The following RB1CC1 variants were observed in gnomAD, a reference collection of about 807,000 sequenced individuals.
RB1CC1 encodes RB1 inducible coiled-coil 1.
In RB1CC1, 46 loss-of-function variants were observed where a neutral mutation model predicts 177.5. The observed-to-expected ratio is 0.26, with a 90% CI of 0.20 to 0.33. RB1CC1 has a LOEUF of 0.33. RB1CC1 is among the 10% of genes least tolerant of loss of function. The pLI is 1.00. For synonymous variants in RB1CC1, 666 were observed against 613.6 expected, an observed-to-expected ratio of 1.09 and a Z score of -1.26; for missense variants, 1,703 against 1,816.3, an observed-to-expected ratio of 0.94 and a Z score of 1.13.
intron 5 of RB1CC1, 41 bp from the exon 6 acceptor site, chr8:52,676,612 A>G: frequency 6.4e-7 from 1 of 1,553,896 alleles, no homozygotes; most frequent in South Asian, 1.2e-5. Flanking sequence ...AAAGAAGGCA[A>G]TGGTTTGTTT....
chr8:52,648,498 G>A (rs1350367223), intron 15 of RB1CC1, among the ~76,000 whole-genome samples: 1 of 152,134 alleles, frequency 6.6e-6, no homozygotes, highest in South Asian at 2.1e-4. Flanking sequence ...CTTTCTATGG[G>A]GAGCAAGAAG....
At position 52,681,936 on chromosome 8, in the gene RB1CC1, C is replaced by T. The variant is rs374504381; in HGVS notation, c.369+1613G>A. On this transcript the variant is annotated intron_variant, in intron 5 of 23. Transcript: ENST00000025008. The stretch of plus-strand genomic sequence containing the variant: ...GCAGTGTAGAAGGAAAATGTGGGGT[C>T]GGAGCCCCCACACAGAGTCCCTACT... Among the ~76,000 whole-genome samples the T allele has an allele frequency of 1.5e-3, 229 of 152,228 alleles. 7 individuals carry two copies. In the South Asian group the frequency reaches 0.044, roughly 29 times the overall value.
chr8:52,671,043 TTC>T (rs1852536089), intron 7 of RB1CC1, among the ~76,000 whole-genome samples: 1 of 152,190 alleles, frequency 6.6e-6, no homozygotes, highest in Non-Finnish European at 1.5e-5. Flanking sequence ...TCTAAATTTT[TTC>T]TGACAGATAA....
chr8:52,656,558 A>T lies in RB1CC1; in HGVS notation c.3271T>A (p.Ser1091Thr), dbSNP rs925268709. Reference protein sequence around the residue: ...SRAQQKETLKSLLEQETENLR... With the variant: ...SRAQQKETLKTLLEQETENLR... The stretch of plus-strand genomic sequence containing the variant: ...TTTTCTGTCTCTTGTTCAAGAAGAG[A>T]TTTCAAGGTCTCCTTCTGCTGGGCT... Residue 1091 changes from serine (S) to threonine (T), a missense_variant, in exon 15 of 24, where the codon TCT becomes ACT. Coordinates refer to ENST00000025008, the MANE Select transcript of RB1CC1 (RefSeq NM_014781.5). 6.2e-7 allele frequency: 1 copy of T among 1,610,992 alleles called. No homozygotes were observed. The highest frequency in any genetic ancestry group is 1.3e-5 in the African/African-American group (1 of 74,624).
chr8:52,682,316 G>T (rs1480059786), intron 5 of RB1CC1, among the ~76,000 whole-genome samples: 1 of 152,188 alleles, frequency 6.6e-6, no homozygotes, highest in East Asian at 1.9e-4. Flanking sequence ...TAATTCCGAG[G>T]CCTCTTCAGC....
intron 8 of RB1CC1, among the ~76,000 whole-genome samples, chr8:52,663,685 A>T (rs1486523674): frequency 6.6e-6 from 1 of 152,196 alleles, no homozygotes; most frequent in East Asian, 1.9e-4. Flanking sequence ...TATCTGCAAC[A>T]GGGAAATACC....
Position 52,675,203 on chromosome 8 carries a change from T to C in RB1CC1, c.573-929A>G, listed in dbSNP as rs1168749512. Among the ~76,000 whole-genome samples the C allele has an allele frequency of 2.0e-5, 3 of 152,276 alleles. No individual in the cohort carries two copies. The East Asian group carries it at 5.8e-4, about 29-fold the overall frequency. On this transcript the variant is annotated intron_variant, in intron 6 of 23. Transcript: ENST00000025008. Reference sequence around the variant, plus strand: ...AGTCTTAATGAATCCTTCTCTTTCCTCTCAAGATTTTTCCATTTTTAAGGC... The same window carrying C: ...AGTCTTAATGAATCCTTCTCTTTCCCCTCAAGATTTTTCCATTTTTAAGGC...
chr8:52,655,959 A>C (rs1851049709), intron 15 of RB1CC1, 49 bp downstream of exon 15: 1 of 1,387,462 alleles, frequency 7.2e-7, no homozygotes, highest in African/African-American at 1.4e-5. Flanking sequence ...CACACAAACG[A>C]ATCACTGATA....
At chr8:52,652,994 T>C (rs1001197569) in intron 15 of RB1CC1, among the ~76,000 whole-genome samples, 3 of 151,880 alleles carry the variant, frequency 2.0e-5, no homozygotes, top group South Asian at 2.1e-4. Flanking sequence ...GAGGCAGAGG[T>C]TGTGGTGAAG....
At chr8:52,698,243 AT>A (rs918698134) in intron 1 of RB1CC1, among the ~76,000 whole-genome samples, 2 of 151,848 alleles carry the variant, frequency 1.3e-5, no homozygotes, top group African/African-American at 4.8e-5. Context: ...TGCCCAGCTA[AT>A]TTTTTGTATT....
chr8:52,670,920 C>T (rs1299831988), intron 7 of RB1CC1, among the ~76,000 whole-genome samples: 1 of 150,584 alleles, frequency 6.6e-6, no homozygotes, highest in Non-Finnish European at 1.5e-5. Context: ...CGTGCCAGTG[C>T]ACGCCAGCCT....
chr8:52,679,337 A>C (rs553909753), intron 5 of RB1CC1, among the ~76,000 whole-genome samples: 2 of 152,362 alleles, frequency 1.3e-5, no homozygotes, highest in Admixed American at 6.5e-5. Flanking sequence ...AACTGACAGC[A>C]TATCTTCATA....
At chr8:52,646,986 T>C (rs1850108278) in intron 15 of RB1CC1, among the ~76,000 whole-genome samples, 1 of 152,192 alleles carries the variant, frequency 6.6e-6, no homozygotes, top group Admixed American at 6.5e-5. Context: ...TGTCCCTCTT[T>C]GTTTTTAAAT....
intron 7 of RB1CC1, among the ~76,000 whole-genome samples, chr8:52,673,260 AT>A (rs1316972384): frequency 6.6e-6 from 1 of 152,202 alleles, no homozygotes; most frequent in Non-Finnish European, 1.5e-5. Flanking sequence ...GGTGTCAAAG[AT>A]TTTGCATCAG....
chr8:52,646,151 G>A (rs1850005452), intron 15 of RB1CC1, among the ~76,000 whole-genome samples: 1 of 152,142 alleles, frequency 6.6e-6, no homozygotes, highest in South Asian at 2.1e-4. Context: ...AGGCTGCTCT[G>A]CCCATGGAGT....
chr8:52,629,707 A>G (rs529153893), intron 21 of RB1CC1, among the ~76,000 whole-genome samples: 1 of 152,362 alleles, frequency 6.6e-6, no homozygotes, highest in Admixed American at 6.5e-5. Context: ...TCTGCATGAC[A>G]AAACTTTGGT....
At chr8:52,655,169 T>C (rs992766467) in intron 15 of RB1CC1, among the ~76,000 whole-genome samples, 2 of 152,068 alleles carry the variant, frequency 1.3e-5, no homozygotes, top group Non-Finnish European at 2.9e-5. Context: ...CTAAAGAGCT[T>C]CTAATTTTAA....
At chr8:52,710,661 T>C (rs1445098145) in intron 1 of RB1CC1, among the ~76,000 whole-genome samples, 1 of 152,154 alleles carries the variant, frequency 6.6e-6, no homozygotes, top group African/African-American at 2.4e-5. Flanking sequence ...GTGAAAATTT[T>C]CTAGTTGTGT....
At chr8:52,665,567 T>C (rs1355078786) in intron 8 of RB1CC1, among the ~76,000 whole-genome samples, 3 of 152,130 alleles carry the variant, frequency 2.0e-5, no homozygotes, top group Non-Finnish European at 2.9e-5. Flanking sequence ...AAAAGAAGTA[T>C]GGTTAAATAA....
Sources: gnomAD v4.1 joint callset for allele counts (sites outside exome capture counted in the v4.1 genomes callset) on GRCh38, gnomAD v4.1.1 for gene constraint, MANE v1.5 for transcripts, NCBI Gene and HGNC (gene_info 2026-07-23, HGNC 2026-07-21) for gene names.